The following ITGBL1 variants were observed in gnomAD, a reference collection of about 807,000 sequenced individuals.
The protein encoded by ITGBL1 is integrin subunit beta like 1, also known as integrin beta-like protein 1.
Under a neutral mutation model 68.5 loss-of-function variants are expected in ITGBL1, and 51 were observed. The ratio of observed to expected loss-of-function variants is 0.74; its 90% CI spans 0.59 to 0.94. ITGBL1 has a LOEUF of 0.94. ITGBL1 is among the 40% of genes least tolerant of loss of function. The pLI is 0.00. For synonymous variants in ITGBL1, 209 were observed against 227.3 expected (o/e 0.92, Z 0.72); for missense variants, 649 against 647.4 (o/e 1.00, Z -0.03).
intron 8 of ITGBL1, among the ~76,000 whole-genome samples, chr13:101,696,398 A>T (rs981963277): frequency 6.6e-5 from 10 of 152,140 alleles, no homozygotes; most frequent in African/African-American, 2.4e-4. Context: ...GGTGGAGGAG[A>T]CTATGCTTGT....
intron 2 of ITGBL1, among the ~76,000 whole-genome samples, chr13:101,479,090 A>G (rs1280408221): frequency 6.6e-6 from 1 of 152,002 alleles, no homozygotes; most frequent in Non-Finnish European, 1.5e-5. Flanking sequence ...CAAATAGTAT[A>G]GTACTAGCAT....
intron 7 of ITGBL1, among the ~76,000 whole-genome samples, chr13:101,630,239 A>G (rs2031932018): frequency 6.6e-6 from 1 of 152,190 alleles, no homozygotes; most frequent in African/African-American, 2.4e-5. Flanking sequence ...AACCATGAAC[A>G]CAGTTTACCT....
At chr13:101,646,619 T>C (rs1436262) in intron 7 of ITGBL1, among the ~76,000 whole-genome samples, 74,592 of 151,824 alleles carry the variant, frequency 0.49, 18,380 homozygotes, top group Non-Finnish European at 0.53. Context: ...TTACAGAGTC[T>C]ACCTCAGTAA....
intron 6 of ITGBL1, among the ~76,000 whole-genome samples, chr13:101,595,979 T>G (rs559341163): frequency 2.0e-5 from 3 of 152,286 alleles, no homozygotes; most frequent in Admixed American, 2.0e-4. Flanking sequence ...AAATGTGAGA[T>G]ATATATCTAT....
chr13:101,497,028 G>A (rs559060487), intron 2 of ITGBL1, among the ~76,000 whole-genome samples: 10 of 152,298 alleles, frequency 6.6e-5, no homozygotes, highest in Admixed American at 1.3e-4. Flanking sequence ...CATGGCAGAG[G>A]GCAAAGCCCA....
intron 3 of ITGBL1, among the ~76,000 whole-genome samples, chr13:101,570,875 G>C (rs1428604084): frequency 1.3e-5 from 2 of 152,074 alleles, no homozygotes; most frequent in Non-Finnish European, 2.9e-5. Context: ...TTGCCTGTCA[G>C]GCAAGGTTAG....
chr13:101,615,263 C>A (rs1430453638), intron 7 of ITGBL1, among the ~76,000 whole-genome samples: 1 of 152,056 alleles, frequency 6.6e-6, no homozygotes, highest in Non-Finnish European at 1.5e-5. Flanking sequence ...AGGGCCCACC[C>A]TAAATCCAGG....
intron 2 of ITGBL1, among the ~76,000 whole-genome samples, chr13:101,502,375 C>G (rs545265998): frequency 6.6e-6 from 1 of 152,292 alleles, no homozygotes; most frequent in East Asian, 1.9e-4. Flanking sequence ...TGTTCTCACT[C>G]TCTTTCTTCA....
intron 2 of ITGBL1, among the ~76,000 whole-genome samples, chr13:101,561,547 T>C (rs367766984): frequency 2.0e-5 from 3 of 152,134 alleles, no homozygotes; most frequent in South Asian, 2.1e-4. Flanking sequence ...GGTGGACTTA[T>C]CATTTTCAAA....
intron 4 of ITGBL1, among the ~76,000 whole-genome samples, chr13:101,576,591 C>A (rs2050363203): frequency 6.6e-6 from 1 of 152,120 alleles, no homozygotes; most frequent in Non-Finnish European, 1.5e-5. Flanking sequence ...TCTGGAAGGA[C>A]TAGGGCCCAA....
intron 5 of ITGBL1, among the ~76,000 whole-genome samples, chr13:101,582,227 CT>C (rs199635610): frequency 1.3e-5 from 2 of 151,774 alleles, no homozygotes; most frequent in African/African-American, 4.8e-5. Context: ...CTTTGTCAGT[CT>C]TTTTTTTACA....
intron 2 of ITGBL1, among the ~76,000 whole-genome samples, chr13:101,455,190 G>A (rs974842553): frequency 3.9e-5 from 6 of 152,188 alleles, no homozygotes; most frequent in African/African-American, 1.4e-4. Flanking sequence ...CACTAACATA[G>A]AAAGATCAAG....
intron 7 of ITGBL1, among the ~76,000 whole-genome samples, chr13:101,671,437 G>GTTTGTTTTTTTTTT (rs2033363884): frequency 9.7e-6 from 1 of 102,800 alleles, no homozygotes; most frequent in Non-Finnish European, 1.9e-5. Context: ...TTTTTTTTTT[G>GTTTGTTTTTTTTTT]TTTTTTTTTG....
At chr13:101,564,906 C>T (rs963596992) in intron 2 of ITGBL1, among the ~76,000 whole-genome samples, 4 of 151,702 alleles carry the variant, frequency 2.6e-5, no homozygotes, top group Admixed American at 1.3e-4. Context: ...AGATGTATTG[C>T]AAATAAGCAT....
intron 2 of ITGBL1, among the ~76,000 whole-genome samples, chr13:101,525,764 A>G (rs916464390): frequency 6.6e-6 from 1 of 152,120 alleles, no homozygotes; most frequent in South Asian, 2.1e-4. Context: ...TCGTTGTGTA[A>G]CATTAGAGTA....
At chr13:101,501,916 A>G (rs770260067) in intron 2 of ITGBL1, among the ~76,000 whole-genome samples, 4 of 152,172 alleles carry the variant, frequency 2.6e-5, no homozygotes, top group Non-Finnish European at 5.9e-5. Flanking sequence ...TATCACAAAG[A>G]TGGAGAAATT....
At chr13:101,533,687 T>C (rs796590389) in intron 2 of ITGBL1, among the ~76,000 whole-genome samples, 1 of 152,220 alleles carries the variant, frequency 6.6e-6, no homozygotes, top group Admixed American at 6.5e-5. Context: ...TATTAAACTT[T>C]ATAACAGAGA....
intron 7 of ITGBL1, among the ~76,000 whole-genome samples, chr13:101,647,693 T>C (rs1357809619): frequency 6.6e-6 from 1 of 152,200 alleles, no homozygotes; most frequent in Non-Finnish European, 1.5e-5. Flanking sequence ...CAGAACTTTC[T>C]GGGTTCTTAC....
At chr13:101,605,527 T>C (rs927564363) in intron 7 of ITGBL1, among the ~76,000 whole-genome samples, 11 of 148,570 alleles carry the variant, frequency 7.4e-5, no homozygotes, top group African/African-American at 2.7e-4. Flanking sequence ...TATAGACATA[T>C]GTATATGCGT....
Sources: allele counts gnomAD v4.1 joint callset (sites outside exome capture counted in the v4.1 genomes callset), GRCh38; gene constraint gnomAD v4.1.1; transcripts MANE v1.5; gene names NCBI Gene and HGNC (gene_info 2026-07-23, HGNC 2026-07-21).